Variants in RAD51B observed in about 807,000 individuals in gnomAD.
RAD51B encodes RAD51 paralog B.
RAD51B carries 38 observed loss-of-function variants against 42.2 expected under a neutral mutation model. The ratio of observed to expected loss-of-function variants is 0.90; its 90% CI spans 0.70 to 1.18. The LOEUF is 1.18. RAD51B is among the 50% of genes most tolerant of loss of function. The probability of loss-of-function intolerance (pLI) is 0.00; values close to 1 mark genes in which losing one functional copy is unlikely to be tolerated. For missense variants in RAD51B, 373 were observed against 400.7 expected, an observed-to-expected ratio of 0.93 and a Z score of 0.59; for synonymous variants, 154 against 145.2, an observed-to-expected ratio of 1.06 and a Z score of -0.43.
intron 7 of RAD51B, among the ~76,000 whole-genome samples, chr14:67,900,096 G>GT (rs1441289915): frequency 2.0e-5 from 3 of 152,156 alleles, no homozygotes; most frequent in Non-Finnish European, 4.4e-5. Context: ...ATTGCTGCTT[G>GT]TAAGTGTAAC....
intron 7 of RAD51B, among the ~76,000 whole-genome samples, chr14:67,980,725 AAACT>A (rs1773812914): frequency 6.6e-6 from 1 of 152,238 alleles, no homozygotes; most frequent in Non-Finnish European, 1.5e-5. Flanking sequence ...TACCATATAA[AAACT>A]AACTCAAAAC....
At chr14:67,862,783 A>T (rs1394499358) in intron 4 of RAD51B, among the ~76,000 whole-genome samples, 3 of 152,096 alleles carry the variant, frequency 2.0e-5, no homozygotes, top group African/African-American at 7.2e-5. Context: ...TCATTGCTCT[A>T]CTTAAAATGG....
intron 7 of RAD51B, among the ~76,000 whole-genome samples, chr14:68,290,326 C>T (rs918814345): frequency 2.7e-4 from 41 of 152,132 alleles, no homozygotes; most frequent in African/African-American, 5.6e-4. Flanking sequence ...TTTCTTCCCA[C>T]GATGAGAACA....
At position 68,620,283 on chromosome 14, in the gene RAD51B, G is replaced by A. The variant is rs150728163; in HGVS notation, c.1037-30498G>A. Among the ~76,000 whole-genome samples the A allele has an allele frequency of 3.3e-5, 5 of 152,182 alleles. No homozygotes were observed. The South Asian group carries it at 1.0e-3, about 32-fold the overall frequency. ...CCCAGGAGTCCAGAGATTCCCAAGT[G>A]AGTCAGCAGACGCCTGAGATAGTAG... On this transcript the variant is annotated intron_variant, in intron 10 of 11. Coordinates refer to the RAD51B transcript ENST00000488612.
At chr14:68,342,932 C>A (rs2082600724) in intron 8 of RAD51B, among the ~76,000 whole-genome samples, 1 of 151,670 alleles carries the variant, frequency 6.6e-6, no homozygotes, top group South Asian at 2.1e-4. Context: ...CCTGGAGTTA[C>A]CTGCTCCTTA....
In RAD51B at chr14:68,029,304, T is replaced by C. The variant is rs548077582; in HGVS notation, c.756+142100T>C. 3.3e-5 allele frequency among the ~76,000 whole-genome samples: 5 copies of C among 152,344 alleles called. No individual in the cohort carries two copies. The South Asian group carries it at 1.0e-3, about 32-fold the overall frequency. On this transcript the variant is annotated intron_variant, in intron 7 of 10. Coordinates refer to ENST00000471583, the MANE Select transcript of RAD51B (RefSeq NM_133510.4). ...TCAGCCATCTTGTCCTTTTTCAAAC[T>C]TTTTTTAAAATTTGGGTCAGTCCTC...
chr14:67,886,035 A>G, intron 6 of RAD51B, 47 bp downstream of exon 6: 1 of 1,397,868 alleles, frequency 7.2e-7, no homozygotes, highest in Non-Finnish European at 9.7e-7. Context: ...TTGAAGGTTT[A>G]TGTTTTATCT....
intron 9 of RAD51B, among the ~76,000 whole-genome samples, chr14:68,439,914 C>T (rs2085244530): frequency 6.6e-6 from 1 of 152,172 alleles, no homozygotes; most frequent in Non-Finnish European, 1.5e-5. Flanking sequence ...GCATGGCAGG[C>T]TCCCACCCTT....
chr14:68,538,720 C>CT (rs1210713062), intron 10 of RAD51B, among the ~76,000 whole-genome samples: 1 of 151,162 alleles, frequency 6.6e-6, no homozygotes, highest in Non-Finnish European at 1.5e-5. Context: ...TCTGATTTCT[C>CT]TTTTTTAAAA....
At chr14:67,979,031 G>A (rs917406368) in intron 7 of RAD51B, among the ~76,000 whole-genome samples, 1 of 152,132 alleles carries the variant, frequency 6.6e-6, no homozygotes, top group Non-Finnish European at 1.5e-5. Context: ...CTAAAAGCTA[G>A]TCTACTAATT....
rs562138164 is a variant in RAD51B, at chr14:68,574,999, G to A, written c.1037-19486G>A. On this transcript the variant is annotated intron_variant, in intron 10 of 10. Coordinates refer to the RAD51B transcript ENST00000487270. ...AGAAGAGGAAAGCACGCCATTGACT[G>A]GTTTTCTGATTGCCTTCATACATCC... Among the ~76,000 whole-genome samples, 3 of 152,268 alleles carry A rather than the reference G, an allele frequency of 2.0e-5. No individual in the cohort carries two copies. The East Asian group carries it at 5.8e-4, about 29-fold the overall frequency.
At chr14:68,169,620 T>C (rs1398419099) in intron 7 of RAD51B, among the ~76,000 whole-genome samples, 1 of 152,172 alleles carries the variant, frequency 6.6e-6, no homozygotes, top group African/African-American at 2.4e-5. Flanking sequence ...CATAACTCTC[T>C]GTGTAGATGT....
chr14:68,330,639 A>G (rs1034387699), intron 8 of RAD51B, among the ~76,000 whole-genome samples: 1 of 152,260 alleles, frequency 6.6e-6, no homozygotes, highest in Non-Finnish European at 1.5e-5. Flanking sequence ...CAACATTCAT[A>G]ACATGCCTTT....
At chr14:67,865,239 GC>G (rs2139991835) in intron 5 of RAD51B, 100 bp downstream of exon 5, 2 of 1,117,902 alleles carry the variant, frequency 1.8e-6, no homozygotes, top group Non-Finnish European at 2.3e-6. Flanking sequence ...CCTCCCCCTT[GC>G]CTTTTTTTTT....
chr14:68,071,655 TG>T (rs1223831502), intron 7 of RAD51B, among the ~76,000 whole-genome samples: 1 of 152,136 alleles, frequency 6.6e-6, no homozygotes, highest in East Asian at 1.9e-4. Context: ...GCTGCTGGAT[TG>T]AGTTTACTAG....
At chr14:68,149,836 C>G (rs962503484) in intron 7 of RAD51B, 1 of 152,248 alleles carries the variant, frequency 6.6e-6, no homozygotes, top group Non-Finnish European at 1.5e-5. Flanking sequence ...GCCCAGAACT[C>G]CTGTACTCAA....
At chr14:67,846,501 T>C (rs1291643403) in intron 4 of RAD51B, among the ~76,000 whole-genome samples, 1 of 151,930 alleles carries the variant, frequency 6.6e-6, no homozygotes, top group Non-Finnish European at 1.5e-5. Flanking sequence ...CGTGGCCGAG[T>C]GCATGTTCCT....
chr14:67,893,976 A>T (rs2043321503), intron 7 of RAD51B, among the ~76,000 whole-genome samples: 1 of 152,138 alleles, frequency 6.6e-6, no homozygotes, highest in African/African-American at 2.4e-5. Flanking sequence ...TGGTTCCTGG[A>T]GGCTAAAAGT....
intron 9 of RAD51B, among the ~76,000 whole-genome samples, chr14:68,453,378 G>A (rs12587397): frequency 0.21 from 32,045 of 152,124 alleles, 3,947 homozygotes; most frequent in East Asian, 0.51. Flanking sequence ...TGCCCTCAAA[G>A]TAGTGTAGCA....
Sources: allele counts gnomAD v4.1 joint callset (sites outside exome capture counted in the v4.1 genomes callset), GRCh38; gene constraint gnomAD v4.1.1; transcripts MANE v1.5; gene names NCBI Gene and HGNC (gene_info 2026-07-23, HGNC 2026-07-21).